The following ENO4 variants were observed in gnomAD, a reference collection of about 807,000 sequenced individuals.
The protein encoded by ENO4 is 2-phospho-D-glycerate hydro-lyase.
In ENO4, 53 loss-of-function variants were observed where a neutral mutation model predicts 63.2. The observed-to-expected ratio is 0.84, with a 90% CI of 0.67 to 1.05. ENO4 has a LOEUF of 1.05. Among genes scored for constraint, ENO4 ranks in the 50% least tolerant of loss-of-function variants. The pLI, the probability that ENO4 is intolerant of heterozygous loss-of-function variation, is 0.00. For synonymous variants in ENO4, 266 were observed against 283.8 expected, an observed-to-expected ratio of 0.94 and a Z score of 0.63; for missense variants, 719 against 772.0, an observed-to-expected ratio of 0.93 and a Z score of 0.81.
intron 10 of ENO4, among the ~76,000 whole-genome samples, chr10:116,897,026 T>C (rs1452972288): frequency 6.6e-6 from 1 of 152,078 alleles, no homozygotes; most frequent in African/African-American, 2.4e-5. Context: ...CGGCTGGTCT[T>C]GGACTCCTGA....
chr10:116,907,125 T>C (rs922189686), intron 10 of ENO4, among the ~76,000 whole-genome samples: 1 of 152,176 alleles, frequency 6.6e-6, no homozygotes, highest in Non-Finnish European at 1.5e-5. Flanking sequence ...AGGAAATCTT[T>C]ATATGGCAGC....
At chr10:116,909,761 G>C (rs550377623) in intron 10 of ENO4, among the ~76,000 whole-genome samples, 10 of 152,244 alleles carry the variant, frequency 6.6e-5, no homozygotes, top group Non-Finnish European at 1.3e-4. Flanking sequence ...GGCTAACTTA[G>C]CAGAAGGCCA....
At chr10:116,907,802 A>G in intron 10 of ENO4, 1 of 483,044 alleles carries the variant, frequency 2.1e-6, no homozygotes, top group East Asian at 5.9e-5. Flanking sequence ...GCCAGACTTC[A>G]TGCCAGAGTC....
chr10:116,862,912 A>G (rs1846453599), intron 7 of ENO4, 60 bp downstream of exon 7: 3 of 1,106,750 alleles, frequency 2.7e-6, no homozygotes, highest in Middle Eastern at 1.9e-4. Context: ...CTAGCATGCA[A>G]CTTGTAGTTC....
At chr10:116,908,932 T>C (rs1848080859) in intron 10 of ENO4, among the ~76,000 whole-genome samples, 6 of 152,204 alleles carry the variant, frequency 3.9e-5, no homozygotes, top group Admixed American at 3.3e-4. Flanking sequence ...GAGTAAACTT[T>C]CAATACAAGG....
At chr10:116,911,846 A>G (rs771524290), downstream of ENO4, 45 of 1,607,082 alleles carry the variant, frequency 2.8e-5, no homozygotes, top group Admixed American at 5.0e-5. Context: ...GATTCTGGCT[A>G]TAATTTTAAT....
At chr10:116,876,487 G>A (rs1037506328) in intron 11 of ENO4, among the ~76,000 whole-genome samples, 48 of 152,222 alleles carry the variant, frequency 3.2e-4, no homozygotes, top group Non-Finnish European at 1.0e-4. Flanking sequence ...TTTACTGAGG[G>A]CTACCAGAGG....
chr10:116,853,978 T>C (rs538649792), intron 1 of ENO4, among the ~76,000 whole-genome samples: 55 of 152,280 alleles, frequency 3.6e-4, no homozygotes, highest in Non-Finnish European at 5.4e-4. Context: ...TCACCTTCCC[T>C]CCTTCTAGTC....
chr10:116,881,408 T>C, intron 13 of ENO4, 107 bp from the exon 14 acceptor site: 1 of 800,300 alleles, frequency 1.2e-6, no homozygotes, highest in Non-Finnish European at 1.9e-6. Context: ...CCGATGGTGA[T>C]GTGACACCTT....
exon 11 of ENO4, chr10:116,911,606 T>C: frequency 6.4e-7 from 1 of 1,551,664 alleles, no homozygotes. Flanking sequence ...CACAGTGTTA[T>C]TTGAAAAATT....
chr10:116,857,527 C>G (rs556678778), intron 3 of ENO4, among the ~76,000 whole-genome samples: 5 of 152,144 alleles, frequency 3.3e-5, no homozygotes, highest in Non-Finnish European at 7.3e-5. Flanking sequence ...ATGCCACAAC[C>G]CTTTGGCCAA....
chr10:116,894,096 T>C (rs9421254), intron 10 of ENO4, among the ~76,000 whole-genome samples: 2,781 of 152,280 alleles, frequency 0.018, 74 homozygotes, highest in African/African-American at 0.065. Flanking sequence ...TTTTTTTTCT[T>C]TCATGGAAAT....
At chr10:116,891,171 A>G (rs1293704006) in intron 10 of ENO4, among the ~76,000 whole-genome samples, 3 of 152,264 alleles carry the variant, frequency 2.0e-5, no homozygotes, top group Non-Finnish European at 4.4e-5. Context: ...CATTTTGAAC[A>G]TTACAGTGAA....
chr10:116,911,832 C>T (rs62641722), downstream of ENO4: 5,618 of 1,611,472 alleles, frequency 3.5e-3, 166 homozygotes, highest in African/African-American at 0.065. Flanking sequence ...CGCAGCCTTT[C>T]GAAGATTCTG....
chr10:116,907,794 C>G, intron 10 of ENO4: 1 of 473,124 alleles, frequency 2.1e-6, no homozygotes, highest in African/African-American at 2.0e-5. Flanking sequence ...TATAACTTGC[C>G]AGACTTCATG....
At chr10:116,875,306 C>G (rs1846798010) in intron 10 of ENO4, among the ~76,000 whole-genome samples, 1 of 152,120 alleles carries the variant, frequency 6.6e-6, no homozygotes, top group African/African-American at 2.4e-5. Flanking sequence ...AGCTTAGTTC[C>G]TTAACCTTGC....
intron 10 of ENO4, among the ~76,000 whole-genome samples, chr10:116,903,027 C>A (rs1385268250): frequency 6.6e-6 from 1 of 152,162 alleles, no homozygotes; most frequent in Non-Finnish European, 1.5e-5. Context: ...AAATGAAGGT[C>A]TAATTTGAAA....
chr10:116,887,055 G>A (rs1428673173), downstream of ENO4, among the ~76,000 whole-genome samples: 1 of 152,184 alleles, frequency 6.6e-6, no homozygotes, highest in Non-Finnish European at 1.5e-5. Flanking sequence ...ATGGACAGGT[G>A]AGAGGCATGC....
chr10:116,911,429 A>C, intron 10 of ENO4: 1 of 1,535,324 alleles, frequency 6.5e-7, no homozygotes, highest in Non-Finnish European at 8.8e-7. Flanking sequence ...TTAGGCTTCA[A>C]AGTAAAGCAT....
Sources: gnomAD v4.1 joint callset for allele counts (sites outside exome capture counted in the v4.1 genomes callset) on GRCh38, gnomAD v4.1.1 for gene constraint, MANE v1.5 for transcripts, NCBI Gene and HGNC (gene_info 2026-07-23, HGNC 2026-07-21) for gene names.